ASIC2: variants seen among roughly 807,000 people sequenced by gnomAD.
ASIC2 encodes the protein acid-sensing ion channel 2.
A neutral mutation model predicts 57.3 loss-of-function variants in ASIC2; 25 were observed. The observed-to-expected ratio is 0.44, with a 90% CI of 0.32 to 0.61. The LOEUF (loss-of-function observed/expected upper bound fraction) is 0.61, where lower values mean the gene tolerates loss of function less well. ASIC2 is among the 20% of genes least tolerant of loss of function. The pLI, the probability that ASIC2 is intolerant of heterozygous loss-of-function variation, is 0.06. For missense variants in ASIC2, 641 were observed against 738.1 expected, an observed-to-expected ratio of 0.87 and a Z score of 1.52; for synonymous variants, 319 against 307.5, an observed-to-expected ratio of 1.04 and a Z score of -0.39.
Position 33,906,689 on chromosome 17 carries a change from C to G in ASIC2, c.555+249289G>C, listed in dbSNP as rs116436621. On this transcript the variant is annotated intron_variant, in intron 1 of 9. Transcript: ENST00000359872. Reference sequence around the variant, plus strand: ...GTTTCATTCACCCTCTCCTATAAGGCTGTTGGAATGCAAGTATCTTATAGG... The same window carrying G: ...GTTTCATTCACCCTCTCCTATAAGGGTGTTGGAATGCAAGTATCTTATAGG... Among the ~76,000 whole-genome samples, 1,150 of 152,316 alleles carry G rather than the reference C, an allele frequency of 7.6e-3. 13 individuals carry two copies. The highest frequency in any genetic ancestry group is 0.026 in the African/African-American group (1,087 of 41,566).
intron 1 of ASIC2, among the ~76,000 whole-genome samples, chr17:33,901,520 C>T (rs898559609): frequency 2.0e-5 from 3 of 152,078 alleles, no homozygotes; most frequent in African/African-American, 4.8e-5. Context: ...TACCATATGC[C>T]TGGAAGCCAG....
intron 1 of ASIC2, among the ~76,000 whole-genome samples, chr17:34,076,960 G>A (rs1909689375): frequency 6.6e-6 from 1 of 152,258 alleles, no homozygotes; most frequent in African/African-American, 2.4e-5. Context: ...CCATGGGCCA[G>A]TTCTGCAGCT....
chr17:33,642,136 A>G (rs1298839880), intron 1 of ASIC2, among the ~76,000 whole-genome samples: 3 of 151,808 alleles, frequency 2.0e-5, no homozygotes, highest in East Asian at 2.0e-4. Flanking sequence ...AGCCAGGCCC[A>G]TGGCCCATAA....
At chr17:34,057,079 T>C (rs1238864929) in intron 1 of ASIC2, among the ~76,000 whole-genome samples, 1 of 152,236 alleles carries the variant, frequency 6.6e-6, no homozygotes, top group African/African-American at 2.4e-5. Flanking sequence ...CATTCATTTA[T>C]TCATTCATTC....
intron 2 of ASIC2, among the ~76,000 whole-genome samples, chr17:33,089,439 A>G (rs541992377): frequency 6.6e-6 from 1 of 152,312 alleles, no homozygotes; most frequent in East Asian, 1.9e-4. Context: ...CAGCCCTGCC[A>G]ACAACCTTGA....
intron 1 of ASIC2, among the ~76,000 whole-genome samples, chr17:34,151,499 G>A (rs76114007): frequency 6.6e-6 from 1 of 152,204 alleles, no homozygotes; most frequent in Non-Finnish European, 1.5e-5. Context: ...GGCGTGGGGA[G>A]AGGGGCTGGC....
intron 1 of ASIC2, among the ~76,000 whole-genome samples, chr17:33,910,021 C>T (rs1299977186): frequency 2.0e-5 from 3 of 152,076 alleles, no homozygotes; most frequent in Admixed American, 6.5e-5. Context: ...ATAATAGCAC[C>T]ACCCTCGTTG....
intron 1 of ASIC2, among the ~76,000 whole-genome samples, chr17:33,419,493 A>G (rs1910972445): frequency 6.6e-6 from 1 of 152,226 alleles, no homozygotes; most frequent in Admixed American, 6.5e-5. Flanking sequence ...AAAGGGTGAA[A>G]GTGAGCAATA....
intron 1 of ASIC2, among the ~76,000 whole-genome samples, chr17:33,133,795 G>C (rs1396373458): frequency 6.6e-6 from 1 of 152,202 alleles, no homozygotes; most frequent in East Asian, 1.9e-4. Context: ...CAAAAGGATA[G>C]AGGAAATGAC....
At position 33,992,397 on chromosome 17, in the gene ASIC2, C is replaced by T. The variant is rs528067328; in HGVS notation, c.555+163581G>A. The stretch of plus-strand genomic sequence containing the variant: ...AAATTGATTTCTAAGGTCTGTCTCT[C>T]GTGAGCAATTCATTCATCGAAACTC... On this transcript the variant is annotated intron_variant, in intron 1 of 9. Coordinates refer to the ASIC2 transcript ENST00000359872. 2.0e-5 allele frequency among the ~76,000 whole-genome samples: 3 copies of T among 152,268 alleles called. No homozygotes were observed. The East Asian group carries it at 5.8e-4, about 29-fold the overall frequency.
intron 1 of ASIC2, among the ~76,000 whole-genome samples, chr17:33,685,430 C>T (rs1001477843): frequency 6.6e-6 from 1 of 152,168 alleles, no homozygotes; most frequent in Non-Finnish European, 1.5e-5. Context: ...CTTCCCCAGC[C>T]GTGCTCCAGC....
intron 1 of ASIC2, among the ~76,000 whole-genome samples, chr17:34,054,089 C>T (rs561836566): frequency 2.6e-5 from 4 of 152,364 alleles, no homozygotes; most frequent in South Asian, 4.1e-4. Context: ...AGCAGTCAAC[C>T]GTATGTTCTT....
chr17:33,653,923 C>T lies in ASIC2; in HGVS notation c.555+502055G>A, dbSNP rs1200644854. On this transcript the variant is annotated intron_variant, in intron 1 of 9. Coordinates refer to the ASIC2 transcript ENST00000359872. ...ATCTGTGTACATAATCTCATTTGTT[C>T]CTTTAAACAACCCAGAAAGGCAAAC... 2.0e-5 allele frequency among the ~76,000 whole-genome samples: 3 copies of T among 152,100 alleles called. No homozygotes were observed. In the East Asian group the frequency reaches 5.8e-4, roughly 29 times the overall value.
At chr17:33,530,650 G>A (rs1915023382) in intron 1 of ASIC2, among the ~76,000 whole-genome samples, 1 of 152,220 alleles carries the variant, frequency 6.6e-6, no homozygotes, top group Non-Finnish European at 1.5e-5. Context: ...CTGTGTTGCT[G>A]CCAGGCTCAA....
At chr17:33,144,959 G>T (rs1166036518) in intron 1 of ASIC2, among the ~76,000 whole-genome samples, 1 of 152,190 alleles carries the variant, frequency 6.6e-6, no homozygotes, top group Admixed American at 6.5e-5. Flanking sequence ...CTCCTATTCA[G>T]CTCTGCATTC....
chr17:33,283,989 T>C (rs1394016634), intron 1 of ASIC2, among the ~76,000 whole-genome samples: 8 of 152,176 alleles, frequency 5.3e-5, no homozygotes, highest in East Asian at 1.9e-4. Flanking sequence ...AGTTTTCTTT[T>C]TGGTATCAGG....
intron 1 of ASIC2, among the ~76,000 whole-genome samples, chr17:33,207,519 G>A (rs144288197): frequency 3.0e-4 from 45 of 152,246 alleles, no homozygotes; most frequent in African/African-American, 1.0e-3. Flanking sequence ...ACAGACTGTC[G>A]GTTCCTGGAG....
intron 1 of ASIC2, among the ~76,000 whole-genome samples, chr17:33,371,039 C>A (rs1909041899): frequency 6.6e-6 from 1 of 152,164 alleles, no homozygotes; most frequent in Non-Finnish European, 1.5e-5. Flanking sequence ...ACAAAAAAGT[C>A]ATGGGGAGAT....
intron 1 of ASIC2, among the ~76,000 whole-genome samples, chr17:33,921,385 A>C (rs1026620875): frequency 7.9e-5 from 12 of 152,230 alleles, no homozygotes; most frequent in Admixed American, 1.3e-4. Context: ...AAAACATATA[A>C]CTTGTAATCA....
Sources: gnomAD v4.1 joint callset for allele counts (sites outside exome capture counted in the v4.1 genomes callset) on GRCh38, gnomAD v4.1.1 for gene constraint, MANE v1.5 for transcripts, NCBI Gene and HGNC (gene_info 2026-07-23, HGNC 2026-07-21) for gene names.